The following DNAJB1 variants were observed in gnomAD, a reference collection of about 807,000 sequenced individuals.
The protein encoded by DNAJB1 is DnaJ heat shock protein family (Hsp40) member B1.
A neutral mutation model predicts 24.0 loss-of-function variants in DNAJB1; 14 were observed. That is an observed-to-expected ratio of 0.58 (90% confidence interval 0.39 to 0.91). The LOEUF (loss-of-function observed/expected upper bound fraction) is 0.91, where lower values mean the gene tolerates loss of function less well. Ranked by LOEUF, DNAJB1 falls within the 40% of genes least tolerant of loss-of-function variation. The pLI is 0.00. For missense variants in DNAJB1, 517 were observed against 458.1 expected, an observed-to-expected ratio of 1.13 and a Z score of -1.17; for synonymous variants, 262 against 174.4, an observed-to-expected ratio of 1.50 and a Z score of -3.96.
chr19:14,517,108 T>C (rs2072281429), intron 1 of DNAJB1, 62 bp from the exon 2 acceptor site: 1 of 1,521,386 alleles, frequency 6.6e-7, no homozygotes, highest in Admixed American at 2.0e-5. Context: ...CGAGCTTCCC[T>C]TACAGGGGGA....
intron 2 of DNAJB1, among the ~76,000 whole-genome samples, chr19:14,524,054 A>C (rs541110219): frequency 1.0e-3 from 152 of 152,298 alleles, no homozygotes; most frequent in Middle Eastern, 3.4e-3. Context: ...GGGGAGATGG[A>C]GATTCTGAGA....
upstream of DNAJB1, chr19:14,529,874 C>A: frequency 1.0e-6 from 1 of 956,904 alleles, no homozygotes; most frequent in African/African-American, 1.6e-5. Context: ...TCGTAAATTC[C>A]AATGCGCATG....
At chr19:14,517,159 CAG>C (rs1206114119) in intron 1 of DNAJB1, 113 bp from the exon 2 acceptor site, 48 of 1,113,630 alleles carry the variant, frequency 4.3e-5, no homozygotes, top group Non-Finnish European at 5.9e-5. Context: ...TTTTGTCTGT[CAG>C]GGGAGAGCAA....
intron 2 of DNAJB1, among the ~76,000 whole-genome samples, chr19:14,526,725 C>G (rs1435812649): frequency 6.6e-6 from 1 of 152,134 alleles, no homozygotes; most frequent in Non-Finnish European, 1.5e-5. Context: ...TACTTGTACA[C>G]CATCATGCCC....
rs533113372 is a variant in DNAJB1 at position 14,544,481 on chromosome 19, A to G, written c.-214+5727T>C. On this transcript the variant is annotated intron_variant, in intron 1 of 3. Coordinates refer to the DNAJB1 transcript ENST00000676982. ...AACTGATCAGGACGAGGATGCTTGC[A>G]TGATCTCGGGGTGTGCGGCCATTCT... 9.2e-5 allele frequency among the ~76,000 whole-genome samples: 14 copies of G among 151,532 alleles called. No homozygotes were observed. The East Asian group carries it at 1.2e-3, about 13-fold the overall frequency.
intron 1 of DNAJB1, among the ~76,000 whole-genome samples, chr19:14,557,115 T>G (rs570600504): frequency 0.01 from 30 of 2,918 alleles, no homozygotes; most frequent in African/African-American, 0.013. Flanking sequence ...TGGTCTAATC[T>G]TATTTATTTA....
chr19:14,559,862 C>T (rs1054616107), intron 1 of DNAJB1, among the ~76,000 whole-genome samples: 4 of 152,106 alleles, frequency 2.6e-5, no homozygotes, highest in Non-Finnish European at 4.4e-5. Flanking sequence ...CCCCCAGAGC[C>T]TTTCAGTCCT....
upstream of DNAJB1, among the ~76,000 whole-genome samples, chr19:14,553,468 C>T (rs771276054): frequency 2.6e-5 from 4 of 152,198 alleles, no homozygotes; most frequent in South Asian, 2.1e-4. Context: ...CAGCCGCCCC[C>T]GGGTGCCACT....
chr19:14,517,087 A>C, intron 1 of DNAJB1, 41 bp from the exon 2 acceptor site: 1 of 1,558,110 alleles, frequency 6.4e-7, no homozygotes, highest in Non-Finnish European at 8.7e-7. Flanking sequence ...GCTGAACAGC[A>C]GACTCTCTCT....
At chr19:14,544,185 C>T (rs1167163346) in intron 1 of DNAJB1, among the ~76,000 whole-genome samples, 3 of 151,854 alleles carry the variant, frequency 2.0e-5, no homozygotes, top group East Asian at 1.9e-4. Flanking sequence ...AAAATACCTC[C>T]GAGAAGCCTC....
intron 2 of DNAJB1, 74 bp from the exon 3 acceptor site, chr19:14,516,244 C>T (rs1433618576): frequency 1.3e-6 from 2 of 1,524,304 alleles, no homozygotes; most frequent in Non-Finnish European, 1.8e-6. Flanking sequence ...GGCCGTCTGC[C>T]ATAGATAAGA....
intron 2 of DNAJB1, among the ~76,000 whole-genome samples, chr19:14,525,447 G>A (rs2072409580): frequency 6.6e-6 from 1 of 151,862 alleles, no homozygotes; most frequent in African/African-American, 2.4e-5. Context: ...ATAAACAAAT[G>A]GGATCCATCC....
At chr19:14,558,272 T>C (rs886848108) in intron 1 of DNAJB1, among the ~76,000 whole-genome samples, 1 of 152,130 alleles carries the variant, frequency 6.6e-6, no homozygotes, top group African/African-American at 2.4e-5. Flanking sequence ...GACAAGTGCT[T>C]AGACAACGAG....
Position 14,545,053 on chromosome 19 carries a change from TA to T in DNAJB1, c.-214+5154del, listed in dbSNP as rs753143561. 86 of 455,922 alleles carry T rather than the reference TA, an allele frequency of 1.9e-4. 1 individual carries two copies. The highest frequency in any genetic ancestry group is 3.2e-4 in the Middle Eastern group (1 of 3,098). 28.2% of individuals were successfully genotyped at this position (455,922 alleles called of 1,614,324 possible). A position where few individuals can be genotyped will look rare whatever the true frequency, so the allele number is the denominator to read the frequency against. Reference sequence around the variant, plus strand: ...CTGAGTCTCTGCCCTGAGTTGTTTCTAAGCCTCTCACCACTGTCTCTGAAGC... The same window carrying T: ...CTGAGTCTCTGCCCTGAGTTGTTTCTAGCCTCTCACCACTGTCTCTGAAGC... On this transcript the variant is annotated intron_variant, in intron 1 of 3. Coordinates refer to the DNAJB1 transcript ENST00000676982.
chr19:14,546,430 T>TA (rs1217389695), intron 1 of DNAJB1, among the ~76,000 whole-genome samples: 1 of 152,036 alleles, frequency 6.6e-6, no homozygotes, highest in Non-Finnish European at 1.5e-5. Context: ...CTACTAAAAA[T>TA]ACAAAAATTA....
chr19:14,542,759 C>T (rs149912708), intron 1 of DNAJB1, among the ~76,000 whole-genome samples: 31 of 152,150 alleles, frequency 2.0e-4, no homozygotes, highest in Non-Finnish European at 3.5e-4. Flanking sequence ...AGCAGAGCGA[C>T]TCACCCCAGT....
Position 14,517,061 on chromosome 19 carries a change from T to C in DNAJB1, c.212-15A>G, listed in dbSNP as rs748153302. The C allele has an allele frequency of 5.7e-6, 9 of 1,591,820 alleles. No individual in the cohort carries two copies. The highest frequency in any genetic ancestry group is 1.1e-5 in the South Asian group (1 of 89,922). ...CCCCTTTAGGCCTGAAAAGCAGATT[T>C]AGAAGCAGTCAGATGGCTGAACAGC... is the stretch of plus-strand genomic sequence containing the variant. On this transcript the variant is annotated splice_polypyrimidine_tract_variant and intron_variant, in intron 1 of 2. Transcript: ENST00000254322.
intron 1 of DNAJB1, chr19:14,517,840 C>T (rs1223268814): frequency 3.3e-6 from 1 of 303,712 alleles, no homozygotes; most frequent in Non-Finnish European, 6.1e-6. Flanking sequence ...GTCGTCACCC[C>T]CGGCTCCCCC....
intron 1 of DNAJB1, 70 bp downstream of exon 1, chr19:14,518,069 A>AG (rs2072307280): frequency 7.5e-7 from 1 of 1,337,484 alleles, no homozygotes; most frequent in Non-Finnish European, 9.6e-7. Context: ...GGCCGCCGAG[A>AG]GGGGCCAGCG....
Sources: gnomAD v4.1 joint callset for allele counts (sites outside exome capture counted in the v4.1 genomes callset) on GRCh38, gnomAD v4.1.1 for gene constraint, MANE v1.5 for transcripts, NCBI Gene and HGNC (gene_info 2026-07-23, HGNC 2026-07-21) for gene names.